Variants in PCDH15 observed in about 807,000 individuals in gnomAD.
PCDH15 encodes protocadherin-15.
A neutral mutation model predicts 178.5 loss-of-function variants in PCDH15; 129 were observed. That is an observed-to-expected ratio of 0.72 (90% confidence interval 0.63 to 0.84). The LOEUF (loss-of-function observed/expected upper bound fraction) is 0.84. Among genes scored for constraint, PCDH15 ranks in the 40% least tolerant of loss-of-function variants. The probability of loss-of-function intolerance (pLI) is 0.00; values close to 1 mark genes in which losing one functional copy is unlikely to be tolerated. For synonymous variants in PCDH15, 800 were observed against 732.0 expected (o/e 1.09, Z -1.50); for missense variants, 2,230 against 2,099.9 (o/e 1.06, Z -1.21).
At chr10:54,944,180 G>T (rs931511069) in intron 2 of PCDH15, among the ~76,000 whole-genome samples, 7 of 151,908 alleles carry the variant, frequency 4.6e-5, no homozygotes, top group Admixed American at 2.0e-4. Flanking sequence ...GACCAAATTG[G>T]GTGATTAGGG....
chr10:54,975,777 A>G (rs1441280909), intron 2 of PCDH15, among the ~76,000 whole-genome samples: 2 of 152,170 alleles, frequency 1.3e-5, no homozygotes, highest in East Asian at 3.8e-4. Context: ...TGGCCGGGAA[A>G]ACACTGTAGA....
chr10:55,432,776 AAT>A (rs34512028), intron 2 of PCDH15, among the ~76,000 whole-genome samples: 95,039 of 147,768 alleles, frequency 0.64, 31,170 homozygotes, highest in East Asian at 0.97. Flanking sequence ...ACGCCCGGCT[AAT>A]ATATATATAT....
Position 54,237,011 on chromosome 10 carries a change from G to C in PCDH15, c.877-80C>G. 3.4e-6 allele frequency: 4 copies of C among 1,161,378 alleles called. No homozygotes were observed. The South Asian group carries it at 4.9e-5, about 14-fold the overall frequency. The allele number at this position is 1,161,378 out of a possible 1,614,324, so 71.9% of individuals were successfully genotyped here. ...GGATTGAGACAGATGCTTTAGTTTG[G>C]AAATCTATATAACGTCTGAGACAGT... On this transcript the variant is annotated intron_variant, in intron 8 of 37. Transcript: ENST00000644397.
intron 2 of PCDH15, among the ~76,000 whole-genome samples, chr10:54,652,344 A>C (rs1352093809): frequency 6.6e-6 from 1 of 152,150 alleles, no homozygotes; most frequent in African/African-American, 2.4e-5. Flanking sequence ...CTCAGTGACT[A>C]AGGCAACTGA....
At chr10:54,174,702 C>CTTTTT (rs1169302544) in intron 13 of PCDH15, among the ~76,000 whole-genome samples, 1,322 of 83,948 alleles carry the variant, frequency 0.016, 12 homozygotes, top group East Asian at 0.054. Context: ...TTTTTCTTTT[C>CTTTTT]TTTTTTTTTT....
chr10:55,345,979 G>A (rs1353505098), intron 2 of PCDH15, among the ~76,000 whole-genome samples: 2 of 151,942 alleles, frequency 1.3e-5, no homozygotes, highest in Non-Finnish European at 2.9e-5. Flanking sequence ...GGTAAGTAAG[G>A]ATGGTATATA....
At chr10:54,657,644 G>A (rs1010489325) in intron 2 of PCDH15, among the ~76,000 whole-genome samples, 5 of 152,024 alleles carry the variant, frequency 3.3e-5, no homozygotes, top group African/African-American at 1.2e-4. Context: ...CACACTGAAA[G>A]CACCCCAAAA....
chr10:55,468,555 T>C (rs1839889524), intron 2 of PCDH15: 1 of 152,194 alleles, frequency 6.6e-6, no homozygotes, highest in Admixed American at 6.5e-5. Context: ...AAAATAGAAA[T>C]ACATTTTTTT....
chr10:54,593,361 G>A (rs1442092453), intron 2 of PCDH15, among the ~76,000 whole-genome samples: 1 of 152,032 alleles, frequency 6.6e-6, no homozygotes, highest in Non-Finnish European at 1.5e-5. Flanking sequence ...TTTGTATGTG[G>A]TAAGAGCTTA....
At chr10:55,195,528 T>C (rs982165445) in intron 1 of PCDH15, among the ~76,000 whole-genome samples, 1 of 147,280 alleles carries the variant, frequency 6.8e-6, no homozygotes, top group Non-Finnish European at 1.5e-5. Context: ...TGGTGGTGGG[T>C]GCCTATAATC....
intron 15 of PCDH15, among the ~76,000 whole-genome samples, chr10:54,127,016 G>A (rs12256755): frequency 0.029 from 4,471 of 151,978 alleles, 238 homozygotes; most frequent in African/African-American, 0.1. Context: ...AAAGCAATAC[G>A]GACATATTTC....
At chr10:53,820,311 G>T (rs1304031156) in intron 32 of PCDH15, 81 bp from the exon 33 acceptor site, 3 of 395,578 alleles carry the variant, frequency 7.6e-6, no homozygotes, top group African/African-American at 4.1e-5. Flanking sequence ...TCGATGAAAA[G>T]ATTTTGAAGC....
rs73238485 is a variant in PCDH15 at position 53,864,322 on chromosome 10, C to T, written c.3717+2320G>A. The stretch of plus-strand genomic sequence containing the variant: ...GGGAACATAAACCAATTAATGCCAA[C>T]TTCCTAAAGCTAAACAAACAAACAA... On this transcript the variant is annotated intron_variant, in intron 27 of 37. Transcript: ENST00000644397. Among the ~76,000 whole-genome samples, 798 of 150,220 alleles carry T rather than the reference C, an allele frequency of 5.3e-3. 9 individuals are homozygous for T. The highest frequency in any genetic ancestry group is 0.018 in the African/African-American group (748 of 41,396).
intron 3 of PCDH15, among the ~76,000 whole-genome samples, chr10:54,475,432 C>G (rs879503966): frequency 6.6e-6 from 1 of 151,738 alleles, no homozygotes; most frequent in Non-Finnish European, 1.5e-5. Flanking sequence ...TATAAAATTC[C>G]GATTACAATT....
intron 2 of PCDH15, among the ~76,000 whole-genome samples, chr10:54,984,229 TCCTCTTCTCCCCACAA>T: frequency 1.3e-5 from 2 of 152,234 alleles, no homozygotes; most frequent in South Asian, 4.1e-4. Flanking sequence ...ACCCCTGTTT[TCCTCTTCTCCCCACAA>T]GTGAGGGAAA....
intron 3 of PCDH15, among the ~76,000 whole-genome samples, chr10:54,442,844 G>A (rs1218903925): frequency 6.6e-6 from 1 of 151,420 alleles, no homozygotes; most frequent in Non-Finnish European, 1.5e-5. Flanking sequence ...CCAACTTGTG[G>A]TTAGGAAACG....
chr10:54,100,835 G>C (rs1008086138), intron 15 of PCDH15, among the ~76,000 whole-genome samples: 2 of 151,702 alleles, frequency 1.3e-5, no homozygotes, highest in African/African-American at 4.8e-5. Context: ...GGTGGGGGGG[G>C]ATTTTTTTTT....
intron 1 of PCDH15, among the ~76,000 whole-genome samples, chr10:54,730,873 T>G (rs369699806): frequency 3.4e-4 from 52 of 151,480 alleles, no homozygotes; most frequent in Non-Finnish European, 5.8e-4. Flanking sequence ...GTGTAATATC[T>G]CAAAAGCACA....
intron 2 of PCDH15, among the ~76,000 whole-genome samples, chr10:55,029,217 A>G (rs1840550977): frequency 6.6e-6 from 1 of 152,014 alleles, no homozygotes; most frequent in South Asian, 2.1e-4. Flanking sequence ...ACCTAGAACA[A>G]ATATCTACAG....
Sources: allele counts gnomAD v4.1 joint callset (sites outside exome capture counted in the v4.1 genomes callset), GRCh38; gene constraint gnomAD v4.1.1; transcripts MANE v1.5; gene names NCBI Gene and HGNC (gene_info 2026-07-23, HGNC 2026-07-21).